SLC35F1: variants seen among roughly 807,000 people sequenced by gnomAD.
SLC35F1 encodes the protein chromosome 6 open reading frame 169.
A neutral mutation model predicts 48.7 loss-of-function variants in SLC35F1; 14 were observed. The ratio of observed to expected loss-of-function variants is 0.29; its 90% CI spans 0.19 to 0.45. The LOEUF is 0.45. SLC35F1 is among the 20% of genes least tolerant of loss of function. The pLI, the probability that SLC35F1 is intolerant of heterozygous loss-of-function variation, is 1.00. For synonymous variants in SLC35F1, 190 were observed against 202.2 expected (o/e 0.94, Z 0.51); for missense variants, 404 against 500.0 (o/e 0.81, Z 1.83).
Position 117,907,859 on chromosome 6 carries a change from C to A in SLC35F1, c.133C>A (p.Arg45=). 1 of 1,526,086 alleles carries A rather than the reference C, an allele frequency of 6.6e-7. No individual in the cohort carries two copies. Among genetic ancestry groups the A allele is most frequent in the Non-Finnish European group, 8.7e-7 (1 of 1,147,038 alleles). The allele number at this position is 1,526,086 out of a possible 1,614,324, so 94.5% of individuals were successfully genotyped here. Residue 45 remains arginine (R), a synonymous_variant, in exon 1 of 8, where the codon CGG becomes AGG. Coordinates refer to ENST00000360388, the MANE Select transcript of SLC35F1 (RefSeq NM_001029858.4). ...CGGCGGGAGCCTGTCCGCCTCCTCC[C>A]GGGCTGGCGTGCGCCAGAGGATCCG... is the stretch of plus-strand genomic sequence containing the variant. The part of the protein sequence containing the change: ...GGGGSLSASS[R]AGVRQRIRKV...
chr6:118,129,491 T>C (rs1232460325), intron 1 of SLC35F1, among the ~76,000 whole-genome samples: 3 of 152,048 alleles, frequency 2.0e-5, no homozygotes, highest in Non-Finnish European at 4.4e-5. Flanking sequence ...AGCTGCATAA[T>C]AGAGAACAGA....
intron 1 of SLC35F1, among the ~76,000 whole-genome samples, chr6:118,059,926 A>G (rs1466455259): frequency 6.6e-6 from 1 of 152,214 alleles, no homozygotes; most frequent in Admixed American, 6.5e-5. Flanking sequence ...TTATGTACCC[A>G]TAGTGTTTAT....
At chr6:117,941,503 A>G (rs1279416586) in intron 1 of SLC35F1, among the ~76,000 whole-genome samples, 2 of 152,232 alleles carry the variant, frequency 1.3e-5, no homozygotes, top group Non-Finnish European at 2.9e-5. Flanking sequence ...AGCAAATACT[A>G]CAACAATGAC....
rs114595337 is a variant in SLC35F1 at position 117,985,966 on chromosome 6, G to A, written c.173+78067G>A. On this transcript the variant is annotated intron_variant, in intron 1 of 7. Coordinates refer to ENST00000360388, the MANE Select transcript of SLC35F1 (RefSeq NM_001029858.4). ...GGAATCCAAAGGCAATTAATGTGAT[G>A]GGGTATCACAAAGGACTGGGCAGGG... is the stretch of plus-strand genomic sequence containing the variant. 6.1e-3 allele frequency among the ~76,000 whole-genome samples: 935 copies of A among 152,304 alleles called. 12 individuals are homozygous for A. The highest frequency in any genetic ancestry group is 0.021 in the African/African-American group (888 of 41,572).
chr6:117,982,934 A>G (rs1345563681), intron 1 of SLC35F1, among the ~76,000 whole-genome samples: 1 of 152,186 alleles, frequency 6.6e-6, no homozygotes, highest in African/African-American at 2.4e-5. Flanking sequence ...GACTCTCTAC[A>G]AATACATTTA....
chr6:118,151,808 C>T (rs904875741), intron 1 of SLC35F1, among the ~76,000 whole-genome samples: 7 of 152,178 alleles, frequency 4.6e-5, no homozygotes, highest in Admixed American at 1.3e-4. Context: ...TGAGCCACTG[C>T]GCCTGGCCTT....
At chr6:118,178,822 T>C (rs898451484) in intron 2 of SLC35F1, among the ~76,000 whole-genome samples, 2 of 152,172 alleles carry the variant, frequency 1.3e-5, no homozygotes, top group African/African-American at 2.4e-5. Context: ...GATTCACCCA[T>C]GGAGGTTTAG....
At chr6:117,991,786 T>C (rs1395220330) in intron 1 of SLC35F1, among the ~76,000 whole-genome samples, 1 of 152,230 alleles carries the variant, frequency 6.6e-6, no homozygotes, top group Non-Finnish European at 1.5e-5. Context: ...TCTCACTTGA[T>C]AGAAAATAGT....
intron 1 of SLC35F1, among the ~76,000 whole-genome samples, chr6:118,076,661 G>A (rs143630089): frequency 7.9e-5 from 12 of 152,302 alleles, no homozygotes; most frequent in South Asian, 2.1e-4. Context: ...CTTTGAACCC[G>A]TGTGGATTAC....
intron 2 of SLC35F1, among the ~76,000 whole-genome samples, chr6:118,170,338 ATGT>A (rs1183351886): frequency 6.6e-6 from 1 of 152,236 alleles, no homozygotes; most frequent in African/African-American, 2.4e-5. Flanking sequence ...ACATGCTAAT[ATGT>A]CCACTTGCTA....
In SLC35F1 at chr6:118,085,487, C is replaced by CTTTTTTTTTTTTTTTTTTTTTTT. The variant is rs59548308; in HGVS notation, c.174-68952_174-68930dup. Among the ~76,000 whole-genome samples the CTTTTTTTTTTTTTTTTTTTTTTT allele has an allele frequency of 2.3e-4, 13 of 56,938 alleles. 1 individual carries two copies. Among genetic ancestry groups the CTTTTTTTTTTTTTTTTTTTTTTT allele is most frequent in the Non-Finnish European group, 3.1e-4 (10 of 32,642 alleles). 37.4% of individuals were successfully genotyped at this position (56,938 alleles called of 152,430 possible). ...TTTTCTCTTTTTTTTTCTTTCTTTC[C>CTTTTTTTTTTTTTTTTTTTTTTT]TTTTTTTTTTTTTTTTTTTTTTTTT... On this transcript the variant is annotated intron_variant, in intron 1 of 7. Transcript: ENST00000360388.
intron 1 of SLC35F1, among the ~76,000 whole-genome samples, chr6:117,958,595 G>A (rs1444230405): frequency 2.0e-5 from 3 of 151,972 alleles, no homozygotes; most frequent in Admixed American, 6.6e-5. Flanking sequence ...ATTGTGTTAC[G>A]ATTGCCTACA....
chr6:117,959,244 C>T (rs944728418), intron 1 of SLC35F1, among the ~76,000 whole-genome samples: 1 of 152,106 alleles, frequency 6.6e-6, no homozygotes, highest in African/African-American at 2.4e-5. Flanking sequence ...ATTGTAAGTC[C>T]CTTAAATGGG....
rs542872896 is a variant in SLC35F1, at chr6:118,095,025, G to A, written c.174-59420G>A. On this transcript the variant is annotated intron_variant, in intron 1 of 7. Coordinates refer to ENST00000360388, the MANE Select transcript of SLC35F1 (RefSeq NM_001029858.4). ...TGTGTGCATATGATTCGAGCTACTCGAGAGGCTGAGGCAGGAGAATCACTT... is the reference window on the plus strand; with the variant it reads ...TGTGTGCATATGATTCGAGCTACTCAAGAGGCTGAGGCAGGAGAATCACTT... 1.8e-4 allele frequency among the ~76,000 whole-genome samples: 28 copies of A among 151,930 alleles called. No individual in the cohort carries two copies. The East Asian group carries it at 4.1e-3, about 22-fold the overall frequency.
chr6:117,996,939 G>T (rs1294485864), intron 1 of SLC35F1, among the ~76,000 whole-genome samples: 6 of 152,238 alleles, frequency 3.9e-5, no homozygotes, highest in African/African-American at 1.4e-4. Context: ...ACTTTGACGA[G>T]TTGAGAGAAG....
chr6:118,004,557 A>AT (rs941324189), intron 1 of SLC35F1, among the ~76,000 whole-genome samples: 1 of 152,118 alleles, frequency 6.6e-6, no homozygotes, highest in South Asian at 2.1e-4. Flanking sequence ...CTTGTTTTCA[A>AT]TTTTTTTATT....
chr6:118,101,834 A>C (rs1562290690), intron 1 of SLC35F1, among the ~76,000 whole-genome samples: 1 of 152,224 alleles, frequency 6.6e-6, no homozygotes, highest in African/African-American at 2.4e-5. Context: ...TTTATAATTT[A>C]CTCAAAACAT....
At chr6:118,313,916 C>G (rs1572226) in intron 7 of SLC35F1, 112 bp from the exon 8 acceptor site, 445,045 of 960,210 alleles carry the variant, frequency 0.46, 106,845 homozygotes, top group Non-Finnish European at 0.51. Flanking sequence ...GCCAACTCAT[C>G]ATGCTGCCTG....
intron 2 of SLC35F1, among the ~76,000 whole-genome samples, chr6:118,209,447 TA>T (rs1260258219): frequency 6.6e-6 from 1 of 152,218 alleles, no homozygotes; most frequent in East Asian, 1.9e-4. Context: ...ACCTGCTTTT[TA>T]TATGCTTAAT....
Sources: gnomAD v4.1 joint callset for allele counts (sites outside exome capture counted in the v4.1 genomes callset) on GRCh38, gnomAD v4.1.1 for gene constraint, MANE v1.5 for transcripts, NCBI Gene and HGNC (gene_info 2026-07-23, HGNC 2026-07-21) for gene names.